Variants in SAXO1 observed in about 807,000 individuals in gnomAD.
SAXO1 encodes stabilizer of axonemal microtubules 1.
In SAXO1, 21 loss-of-function variants were observed where a neutral mutation model predicts 17.5. The ratio of observed to expected loss-of-function variants is 1.20; its 90% CI spans 0.85 to 1.72. The LOEUF (loss-of-function observed/expected upper bound fraction) is 1.72. Ranked by LOEUF, SAXO1 falls within the 40% of genes most tolerant of loss-of-function variation. SAXO1 has a pLI of 0.00. For missense variants in SAXO1, 843 were observed against 596.0 expected, an observed-to-expected ratio of 1.41 and a Z score of -4.32; for synonymous variants, 274 against 216.5, an observed-to-expected ratio of 1.27 and a Z score of -2.33.
intron 1 of SAXO1, among the ~76,000 whole-genome samples, chr9:19,040,749 C>A (rs998777662): frequency 2.0e-5 from 3 of 152,078 alleles, no homozygotes; most frequent in African/African-American, 7.2e-5. Context: ...TAAACCTATA[C>A]AGACAGAAAG....
At chr9:19,020,296 G>A (rs1169556203) in intron 1 of SAXO1, among the ~76,000 whole-genome samples, 1 of 151,844 alleles carries the variant, frequency 6.6e-6, no homozygotes, top group African/African-American at 2.4e-5. Context: ...GCTTACTCTT[G>A]CTAAGTTCCA....
intron 1 of SAXO1, among the ~76,000 whole-genome samples, chr9:18,981,994 C>T (rs1314843846): frequency 6.6e-6 from 1 of 152,184 alleles, no homozygotes; most frequent in Non-Finnish European, 1.5e-5. Flanking sequence ...AGCACAGGCT[C>T]CTTGCTCTCT....
At chr9:18,936,165 C>T (rs566779303) in intron 3 of SAXO1, among the ~76,000 whole-genome samples, 1 of 152,154 alleles carries the variant, frequency 6.6e-6, no homozygotes, top group African/African-American at 2.4e-5. Context: ...TGATACCACC[C>T]CCTCATCCAC....
rs1835821686 is a variant in SAXO1, at chr9:19,032,780, C to T, written c.38+91G>A. ...CAAGTGGACGAACCCACCGTGATGC[C>T]GCCTGATGAAGCAGCTGGGGGAGGC... is the stretch of plus-strand genomic sequence containing the variant. On this transcript the variant is annotated intron_variant, in intron 1 of 3. Transcript: ENST00000380534. 4.2e-6 allele frequency: 6 copies of T among 1,434,966 alleles called. 1 individual carries two copies. The Middle Eastern group carries it at 7.0e-4, about 169-fold the overall frequency. 88.9% of individuals were successfully genotyped at this position (1,434,966 alleles called of 1,614,324 possible).
chr9:18,968,163 G>T (rs1429402176), intron 1 of SAXO1, among the ~76,000 whole-genome samples: 1 of 152,204 alleles, frequency 6.6e-6, no homozygotes, highest in Admixed American at 6.5e-5. Context: ...GGTCTCACTG[G>T]GAGCTGCAGA....
At chr9:19,007,634 A>C (rs370976056) in intron 1 of SAXO1, among the ~76,000 whole-genome samples, 4 of 152,224 alleles carry the variant, frequency 2.6e-5, no homozygotes, top group Admixed American at 2.0e-4. Context: ...TCATTTCTAC[A>C]ATCACCATCT....
intron 1 of SAXO1, among the ~76,000 whole-genome samples, chr9:18,999,959 T>TCTA (rs1027626829): frequency 7.1e-6 from 1 of 141,442 alleles, no homozygotes; most frequent in Non-Finnish European, 1.5e-5. Context: ...GAGGAGTGCC[T>TCTA]CTACCCAGCC....
chr9:19,027,126 G>T, intron 1 of SAXO1: 1 of 1,030,610 alleles, frequency 9.7e-7, no homozygotes, highest in Middle Eastern at 2.2e-4. Flanking sequence ...CAACATCATC[G>T]AGCTCCTGGA....
chr9:19,028,365 G>C (rs747047466), intron 1 of SAXO1, among the ~76,000 whole-genome samples: 1 of 152,138 alleles, frequency 6.6e-6, no homozygotes, highest in Non-Finnish European at 1.5e-5. Flanking sequence ...AACAGAGCGA[G>C]ACTCCGTCTC....
intron 1 of SAXO1, chr9:19,028,269 G>A (rs1461678556): frequency 1.1e-4 from 74 of 650,498 alleles, no homozygotes; most frequent in Admixed American, 1.4e-4. Context: ...CCAGCTGCTC[G>A]GGAGGCTGAG....
At chr9:18,964,294 T>A (rs922910462) in intron 1 of SAXO1, among the ~76,000 whole-genome samples, 1 of 152,208 alleles carries the variant, frequency 6.6e-6, no homozygotes, top group African/African-American at 2.4e-5. Flanking sequence ...ATAAACGGAA[T>A]TAGGGAGGAG....
chr9:18,981,906 C>G (rs1351740934), intron 1 of SAXO1, among the ~76,000 whole-genome samples: 1 of 152,246 alleles, frequency 6.6e-6, no homozygotes, highest in Non-Finnish European at 1.5e-5. Flanking sequence ...TCTTGCCACA[C>G]TCAAGTTTAA....
chr9:19,047,119 G>A (rs1367381591), intron 1 of SAXO1, among the ~76,000 whole-genome samples: 3 of 152,200 alleles, frequency 2.0e-5, no homozygotes, highest in East Asian at 1.9e-4. Flanking sequence ...TCTGGGAGGC[G>A]GAGGTTGCAG....
chr9:19,015,532 T>C (rs573044554), intron 1 of SAXO1, among the ~76,000 whole-genome samples: 2 of 152,148 alleles, frequency 1.3e-5, no homozygotes, highest in South Asian at 2.1e-4. Flanking sequence ...TTAGTAGAGA[T>C]GGAGTTTCAC....
chr9:19,021,691 T>C (rs949308894), intron 1 of SAXO1, among the ~76,000 whole-genome samples: 14 of 152,372 alleles, frequency 9.2e-5, no homozygotes, highest in African/African-American at 3.4e-4. Flanking sequence ...TGAAGCCAGC[T>C]GAGCTTCTGG....
chr9:19,028,337 T>C (rs1377430326), intron 1 of SAXO1, among the ~76,000 whole-genome samples: 1 of 152,058 alleles, frequency 6.6e-6, no homozygotes, highest in Non-Finnish European at 1.5e-5. Context: ...GATCGCGCCA[T>C]TGCACTCCAG....
intron 1 of SAXO1, among the ~76,000 whole-genome samples, chr9:19,026,582 A>C (rs1481747415): frequency 6.6e-6 from 1 of 152,230 alleles, no homozygotes; most frequent in East Asian, 1.9e-4. Flanking sequence ...TAGACTGAAA[A>C]CATCGCCAGG....
chr9:18,935,657 C>G (rs1450826188), intron 3 of SAXO1, among the ~76,000 whole-genome samples: 1 of 152,192 alleles, frequency 6.6e-6, no homozygotes, highest in African/African-American at 2.4e-5. Context: ...TATCAAGACC[C>G]ACTGTGTCTG....
chr9:19,016,798 C>CTT (rs34423268), intron 1 of SAXO1, among the ~76,000 whole-genome samples: 58 of 111,278 alleles, frequency 5.2e-4, no homozygotes, highest in Non-Finnish European at 7.9e-4. Context: ...TAACATCTGA[C>CTT]TTTTTTTTTT....
Sources: gnomAD v4.1 joint callset for allele counts (sites outside exome capture counted in the v4.1 genomes callset) on GRCh38, gnomAD v4.1.1 for gene constraint, MANE v1.5 for transcripts, NCBI Gene and HGNC (gene_info 2026-07-23, HGNC 2026-07-21) for gene names.